The following RAB27A variants were observed in gnomAD, a reference collection of about 807,000 sequenced individuals.
RAB27A encodes the protein ras-related protein Rab-27A.
RAB27A carries 17 observed loss-of-function variants against 20.8 expected under a neutral mutation model. The observed-to-expected ratio is 0.82, with a 90% CI of 0.56 to 1.23. RAB27A has a LOEUF of 1.23. Ranked by LOEUF, RAB27A falls within the 50% of genes most tolerant of loss-of-function variation. The pLI, the probability that RAB27A is intolerant of heterozygous loss-of-function variation, is 0.00. For synonymous variants in RAB27A, 85 were observed against 92.8 expected, an observed-to-expected ratio of 0.92 and a Z score of 0.48; for missense variants, 277 against 266.7, an observed-to-expected ratio of 1.04 and a Z score of -0.27.
chr15:55,266,699 C>T (rs1897499788), intron 2 of RAB27A, among the ~76,000 whole-genome samples: 1 of 152,162 alleles, frequency 6.6e-6, no homozygotes, highest in Admixed American at 6.5e-5. Context: ...CCTAAATCTA[C>T]AGATGAAAAA....
intron 5 of RAB27A, among the ~76,000 whole-genome samples, chr15:55,226,741 G>T (rs1011477581): frequency 6.6e-6 from 1 of 151,682 alleles, no homozygotes; most frequent in Admixed American, 6.6e-5. Context: ...GTTGGTGTGC[G>T]CCTGTAATCC....
At chr15:55,274,407 TGAAATA>T (rs1356083725) in intron 1 of RAB27A, among the ~76,000 whole-genome samples, 1 of 151,488 alleles carries the variant, frequency 6.6e-6, no homozygotes, top group Non-Finnish European at 1.5e-5. Context: ...GGAGCCAAAA[TGAAATA>T]GAGACCAAAA....
rs557956469 is a variant in RAB27A, at chr15:55,298,385, C to T, written c.-112+15654G>A. On this transcript the variant is annotated intron_variant, in intron 2 of 5. Coordinates refer to the RAB27A transcript ENST00000563262. The stretch of plus-strand genomic sequence containing the variant: ...GGAGACATCACATGTCGGTAGGTTC[C>T]GTGATGCCCCACGAGCTGCAAAAAC... 1.6e-4 allele frequency among the ~76,000 whole-genome samples: 25 copies of T among 152,124 alleles called. 1 individual carries two copies. The South Asian group carries it at 3.9e-3, about 24-fold the overall frequency.
At chr15:55,294,383 T>C (rs1217810592), upstream of RAB27A, among the ~76,000 whole-genome samples, 1 of 151,950 alleles carries the variant, frequency 6.6e-6, no homozygotes, top group Non-Finnish European at 1.5e-5. Flanking sequence ...AGCTCAGGAA[T>C]TCCAGACCCA....
At chr15:55,223,378 G>A (rs535692076) in intron 6 of RAB27A, among the ~76,000 whole-genome samples, 66 of 151,910 alleles carry the variant, frequency 4.3e-4, no homozygotes, top group Middle Eastern at 3.4e-3. Flanking sequence ...GCATGATGGT[G>A]GACTCCTGTA....
chr15:55,290,304 G>C (rs1038340996), upstream of RAB27A: 6 of 152,226 alleles, frequency 3.9e-5, no homozygotes, highest in African/African-American at 1.4e-4. Context: ...GGCGTCCCAG[G>C]CCCGGCCCTG....
At chr15:55,212,513 T>G (rs577000901) in intron 6 of RAB27A, among the ~76,000 whole-genome samples, 1 of 151,860 alleles carries the variant, frequency 6.6e-6, no homozygotes, top group African/African-American at 2.4e-5. Context: ...CAGCATCAAG[T>G]TGCTCAAGAG....
At chr15:55,267,553 A>T (rs1159488036) in intron 2 of RAB27A, among the ~76,000 whole-genome samples, 1 of 152,218 alleles carries the variant, frequency 6.6e-6, no homozygotes, top group Non-Finnish European at 1.5e-5. Flanking sequence ...GTGCTGTTGC[A>T]TAGACAGCGC....
intron 2 of RAB27A, among the ~76,000 whole-genome samples, chr15:55,303,965 C>G (rs1181470240): frequency 1.3e-5 from 2 of 149,288 alleles, no homozygotes; most frequent in Non-Finnish European, 3.0e-5. Flanking sequence ...GGAGGTGTGC[C>G]CAACAGCTCA....
chr15:55,226,509 T>TTTTG (rs1895801105), intron 5 of RAB27A, among the ~76,000 whole-genome samples: 1 of 148,758 alleles, frequency 6.7e-6, no homozygotes, highest in Non-Finnish European at 1.5e-5. Flanking sequence ...TTTTATGTAT[T>TTTTG]TGTGTGTGTG....
In RAB27A at chr15:55,227,461, C is replaced by T. The variant is rs753530570; in HGVS notation, c.343+1148G>A. ...ATAATGAGGCAACTTAGCCAGGCAT[C>T]TAGCGAAGTGAAGCCCCAGTAAGCA... On this transcript the variant is annotated intron_variant, in intron 5 of 6. Transcript: ENST00000336787. Among the ~76,000 whole-genome samples, 184 of 152,142 alleles carry T rather than the reference C, an allele frequency of 1.2e-3. 2 individuals are homozygous for T. The highest frequency in any genetic ancestry group is 4.6e-4 in the Admixed American group (7 of 15,276).
At chr15:55,226,761 G>A (rs771104110) in intron 5 of RAB27A, among the ~76,000 whole-genome samples, 2 of 151,556 alleles carry the variant, frequency 1.3e-5, no homozygotes, top group African/African-American at 4.9e-5. Flanking sequence ...CCAGCTACTC[G>A]GGAGGCTGAG....
At chr15:55,210,110 A>T in intron 6 of RAB27A, among the ~76,000 whole-genome samples, 1 of 145,110 alleles carries the variant, frequency 6.9e-6, no homozygotes, top group East Asian at 2.0e-4. Context: ...ATATATACAC[A>T]CATACACATA....
At chr15:55,283,723 G>A (rs1032385188) in intron 1 of RAB27A, among the ~76,000 whole-genome samples, 2 of 152,066 alleles carry the variant, frequency 1.3e-5, no homozygotes, top group African/African-American at 2.4e-5. Flanking sequence ...ACAATCATAG[G>A]TTATATTTTA....
intron 5 of RAB27A, among the ~76,000 whole-genome samples, chr15:55,226,726 G>A (rs111729085): frequency 1.8e-3 from 280 of 152,046 alleles, no homozygotes; most frequent in African/African-American, 6.5e-3. Context: ...AAATTAGCTG[G>A]GGGTGTTGGT....
intron 1 of RAB27A, among the ~76,000 whole-genome samples, chr15:55,281,194 G>A (rs939194478): frequency 4.6e-5 from 7 of 152,170 alleles, no homozygotes; most frequent in Non-Finnish European, 1.0e-4. Flanking sequence ...CATTAACATG[G>A]TAATCTTTCT....
chr15:55,294,445 A>T (rs1044118692), upstream of RAB27A, among the ~76,000 whole-genome samples: 6 of 151,998 alleles, frequency 3.9e-5, no homozygotes, highest in African/African-American at 1.5e-4. Flanking sequence ...AAAATTAGCC[A>T]GACGTGGTGG....
At chr15:55,249,496 G>A (rs1165716384) in intron 2 of RAB27A, among the ~76,000 whole-genome samples, 1 of 152,110 alleles carries the variant, frequency 6.6e-6, no homozygotes, top group Non-Finnish European at 1.5e-5. Flanking sequence ...GCCCAGGCTG[G>A]TCCTGAACTC....
At chr15:55,208,393 A>C (rs1394927149) in intron 6 of RAB27A, among the ~76,000 whole-genome samples, 1 of 152,216 alleles carries the variant, frequency 6.6e-6, no homozygotes, top group Non-Finnish European at 1.5e-5. Context: ...ACAAGTAGGA[A>C]TTTATTGTAA....
Sources: gnomAD v4.1 joint callset for allele counts (sites outside exome capture counted in the v4.1 genomes callset) on GRCh38, gnomAD v4.1.1 for gene constraint, MANE v1.5 for transcripts, NCBI Gene and HGNC (gene_info 2026-07-23, HGNC 2026-07-21) for gene names.